The following DOK5 variants were observed in gnomAD, a reference collection of about 807,000 sequenced individuals.
DOK5 encodes downstream of tyrosine kinase 5.
In DOK5, 27 loss-of-function variants were observed where a neutral mutation model predicts 43.3. The observed-to-expected ratio is 0.62, with a 90% CI of 0.46 to 0.86. The LOEUF is 0.86. Ranked by LOEUF, DOK5 falls within the 40% of genes least tolerant of loss-of-function variation. DOK5 has a pLI of 0.00. For missense variants in DOK5, 373 were observed against 392.9 expected (o/e 0.95, Z 0.43); for synonymous variants, 146 against 140.1 (o/e 1.04, Z -0.30).
intron 2 of DOK5, among the ~76,000 whole-genome samples, chr20:54,559,737 A>C (rs1297459647): frequency 6.6e-6 from 1 of 152,238 alleles, no homozygotes; most frequent in Non-Finnish European, 1.5e-5. Flanking sequence ...TGGAACAAAT[A>C]AATTTAATTC....
At chr20:54,500,603 C>T (rs1236119088) in intron 1 of DOK5, among the ~76,000 whole-genome samples, 1 of 144,592 alleles carries the variant, frequency 6.9e-6, no homozygotes, top group African/African-American at 2.7e-5. Flanking sequence ...CTCTTGTTGC[C>T]CGGGCTGGAG....
intron 2 of DOK5, among the ~76,000 whole-genome samples, chr20:54,583,885 G>T (rs1239235468): frequency 6.6e-6 from 1 of 151,916 alleles, no homozygotes; most frequent in African/African-American, 2.4e-5. Context: ...ACTGCACCAG[G>T]CATAGTGGCT....
intron 6 of DOK5, among the ~76,000 whole-genome samples, chr20:54,619,023 TTATATA>T (rs11468808): frequency 0.039 from 1,651 of 42,868 alleles, 26 homozygotes; most frequent in South Asian, 0.086. Flanking sequence ...TTTCAATAAA[TTATATA>T]TATATATATA....
intron 5 of DOK5, among the ~76,000 whole-genome samples, chr20:54,593,972 C>T (rs1168283138): frequency 6.6e-6 from 1 of 151,954 alleles, no homozygotes; most frequent in Admixed American, 6.6e-5. Flanking sequence ...TAGAAGGGAA[C>T]AACACATATG....
intron 2 of DOK5, among the ~76,000 whole-genome samples, chr20:54,583,198 T>C (rs1985694182): frequency 6.6e-6 from 1 of 152,090 alleles, no homozygotes; most frequent in African/African-American, 2.4e-5. Context: ...TCTGTTATTG[T>C]TTTTTAGTTT....
intron 6 of DOK5, among the ~76,000 whole-genome samples, chr20:54,620,229 A>G (rs1986936936): frequency 6.6e-6 from 1 of 152,124 alleles, no homozygotes; most frequent in South Asian, 2.1e-4. Context: ...ATTTGTTTTC[A>G]TCTTTTATTT....
intron 6 of DOK5, among the ~76,000 whole-genome samples, chr20:54,619,187 T>C (rs1055909061): frequency 1.4e-5 from 2 of 147,804 alleles, no homozygotes; most frequent in African/African-American, 5.0e-5. Flanking sequence ...ATTCAATGCA[T>C]TGTTATTATT....
chr20:54,560,165 T>G (rs1984851531), intron 2 of DOK5, among the ~76,000 whole-genome samples: 1 of 152,144 alleles, frequency 6.6e-6, no homozygotes, highest in Non-Finnish European at 1.5e-5. Context: ...ATTCATTCTT[T>G]TTTTACACAG....
intron 1 of DOK5, among the ~76,000 whole-genome samples, chr20:54,495,634 TA>T (rs1450645974): frequency 6.6e-6 from 1 of 152,202 alleles, no homozygotes; most frequent in Non-Finnish European, 1.5e-5. Context: ...CTCACGCCTG[TA>T]ATCCCAGCAC....
intron 2 of DOK5, among the ~76,000 whole-genome samples, chr20:54,580,712 A>G: frequency 6.6e-6 from 1 of 151,574 alleles, no homozygotes; most frequent in East Asian, 1.9e-4. Flanking sequence ...AAATTGGCTT[A>G]TTTATTTTTA....
chr20:54,526,850 A>G (rs1452998906), intron 1 of DOK5, among the ~76,000 whole-genome samples: 1 of 152,284 alleles, frequency 6.6e-6, no homozygotes, highest in East Asian at 1.9e-4. Flanking sequence ...TTTCTTATTC[A>G]GAGGTGGAGA....
At chr20:54,620,399 C>T (rs1048941093) in intron 6 of DOK5, among the ~76,000 whole-genome samples, 1 of 152,038 alleles carries the variant, frequency 6.6e-6, no homozygotes, top group Non-Finnish European at 1.5e-5. Context: ...CCACCATGCC[C>T]AGCTAATTTT....
chr20:54,593,911 G>T (rs138957296), intron 5 of DOK5, among the ~76,000 whole-genome samples: 79 of 152,266 alleles, frequency 5.2e-4, no homozygotes, highest in African/African-American at 1.9e-3. Flanking sequence ...ACTAAATACT[G>T]CATGTTCTCA....
rs1210729781 is a variant in DOK5, at chr20:54,476,091, C to T, written c.66+79C>T. On this transcript the variant is annotated intron_variant, in intron 1 of 7. Transcript: ENST00000262593. Reference sequence around the variant, plus strand: ...TGAGCCAGCATCCCTGGAGGGTGGACGGAGAGTCCCCGGCCGCGCGCCGGA... The same window carrying T: ...TGAGCCAGCATCCCTGGAGGGTGGATGGAGAGTCCCCGGCCGCGCGCCGGA... The T allele has an allele frequency of 4.4e-6, 7 of 1,588,772 alleles. No homozygotes were observed. In the East Asian group the frequency reaches 1.4e-4, roughly 31 times the overall value.
intron 1 of DOK5, among the ~76,000 whole-genome samples, chr20:54,482,615 G>A (rs1279488617): frequency 1.3e-5 from 2 of 151,966 alleles, no homozygotes; most frequent in Non-Finnish European, 2.9e-5. Context: ...TCCTGCCTCA[G>A]CCTCTTGAGT....
At chr20:54,529,681 A>G (rs749151702) in intron 1 of DOK5, among the ~76,000 whole-genome samples, 2 of 152,198 alleles carry the variant, frequency 1.3e-5, no homozygotes, top group African/African-American at 4.8e-5. Flanking sequence ...CGTTTTCATC[A>G]TTCCATAGAG....
chr20:54,644,802 T>C (rs1022003250), intron 7 of DOK5, among the ~76,000 whole-genome samples: 1 of 149,688 alleles, frequency 6.7e-6, no homozygotes, highest in Non-Finnish European at 1.5e-5. Context: ...TGGGAGGCGG[T>C]GGTTGCAGTG....
intron 1 of DOK5, among the ~76,000 whole-genome samples, chr20:54,490,048 C>G (rs1300270859): frequency 6.6e-6 from 1 of 152,170 alleles, no homozygotes; most frequent in African/African-American, 2.4e-5. Context: ...TAACTTGTGG[C>G]TGAGTTTCAA....
chr20:54,555,187 G>C, intron 2 of DOK5, 147 bp downstream of exon 2: 1 of 605,952 alleles, frequency 1.7e-6, no homozygotes. Flanking sequence ...ACATCTGCTT[G>C]CTAATTGTTT....
Sources: gnomAD v4.1 joint callset for allele counts (sites outside exome capture counted in the v4.1 genomes callset) on GRCh38, gnomAD v4.1.1 for gene constraint, MANE v1.5 for transcripts, NCBI Gene and HGNC (gene_info 2026-07-23, HGNC 2026-07-21) for gene names.